Variants in LAMA4 observed in about 807,000 individuals in gnomAD.
LAMA4 encodes the protein laminin subunit alpha 4, also known as laminin subunit alpha-4.
Under a neutral mutation model 207.1 loss-of-function variants are expected in LAMA4, and 127 were observed. The observed-to-expected ratio is 0.61, with a 90% CI of 0.53 to 0.71. The LOEUF (loss-of-function observed/expected upper bound fraction) is 0.71. Ranked by LOEUF, LAMA4 falls within the 30% of genes least tolerant of loss-of-function variation. The pLI is 0.00. For synonymous variants in LAMA4, 761 were observed against 816.0 expected, an observed-to-expected ratio of 0.93 and a Z score of 1.15; for missense variants, 2,093 against 2,246.5, an observed-to-expected ratio of 0.93 and a Z score of 1.38.
chr6:112,134,251 G>C (rs1779204624), intron 26 of LAMA4, among the ~76,000 whole-genome samples: 1 of 152,178 alleles, frequency 6.6e-6, no homozygotes, highest in South Asian at 2.1e-4. Flanking sequence ...TACAATAATT[G>C]AAGAAATCTG....
intron 33 of LAMA4, 80 bp from the exon 34 acceptor site, chr6:112,119,391 C>G: frequency 2.7e-6 from 4 of 1,465,872 alleles, no homozygotes; most frequent in Non-Finnish European, 3.8e-6. Flanking sequence ...CTTCTTCCAA[C>G]TTTGCTATTG....
intron 2 of LAMA4, among the ~76,000 whole-genome samples, chr6:112,231,930 A>G (rs1007301050): frequency 4.6e-5 from 7 of 152,208 alleles, no homozygotes; most frequent in Non-Finnish European, 8.8e-5. Context: ...CCACTCTGTC[A>G]TGTGTTTTAT....
At chr6:112,198,682 C>T (rs1783559597) in intron 5 of LAMA4, among the ~76,000 whole-genome samples, 1 of 152,118 alleles carries the variant, frequency 6.6e-6, no homozygotes, top group Non-Finnish European at 1.5e-5. Flanking sequence ...ATCAGTGGCA[C>T]TATTTAGCTC....
Position 112,140,767 on chromosome 6 carries a change from T to C in LAMA4, c.2969A>G (p.Asn990Ser). Residue 990 changes from asparagine to serine, a missense_variant, in exon 22 of 39, where the codon AAC (asparagine) becomes AGC (serine). Asn to Ser is a conservative substitution (Grantham distance 46). This residue lies in a region of LAMA4 where 1,704 missense variants were observed against 1,788.4 expected (regional missense o/e 0.95). Transcript: ENST00000230538. ...TATAGCTGTATGGCTGACCTTGAAG[T>C]TGGAAGGCACTCCACCAACATAAAA... ...TVFYVGGVPS[N>S]FKLPTSLNLP... 4 of 1,613,992 alleles carry C rather than the reference T, an allele frequency of 2.5e-6. No individual in the cohort carries two copies. Among genetic ancestry groups the C allele is most frequent in the Non-Finnish European group, 3.4e-6 (4 of 1,179,936 alleles).
chr6:112,157,805 CA>C (rs782433656), intron 14 of LAMA4: 1 of 152,144 alleles, frequency 6.6e-6, no homozygotes, highest in African/African-American at 2.4e-5. Flanking sequence ...TTGCCTTCAT[CA>C]AAAGCTCATG....
chr6:112,215,215 A>G (rs1448246479), intron 3 of LAMA4, among the ~76,000 whole-genome samples: 8 of 152,228 alleles, frequency 5.3e-5, no homozygotes, highest in African/African-American at 1.9e-4. Flanking sequence ...CCTGGTTGTA[A>G]TGCTTATTTA....
chr6:112,209,009 A>T (rs782740360), intron 3 of LAMA4, among the ~76,000 whole-genome samples: 1 of 152,188 alleles, frequency 6.6e-6, no homozygotes, highest in Non-Finnish European at 1.5e-5. Flanking sequence ...GGAAAAATGA[A>T]GGAAAAGGGA....
intron 4 of LAMA4, among the ~76,000 whole-genome samples, chr6:112,205,489 C>G (rs1222443920): frequency 6.6e-6 from 1 of 152,134 alleles, no homozygotes; most frequent in Admixed American, 6.5e-5. Flanking sequence ...AGTAACTTTT[C>G]TGAGATCACA....
At chr6:112,166,961 A>G (rs569655886) in intron 12 of LAMA4, among the ~76,000 whole-genome samples, 54 of 152,226 alleles carry the variant, frequency 3.5e-4, no homozygotes, top group Non-Finnish European at 6.2e-4. Context: ...AAGCTTGGGT[A>G]TATAGTAATC....
intron 9 of LAMA4, among the ~76,000 whole-genome samples, chr6:112,184,611 C>A (rs1782575789): frequency 1.3e-5 from 2 of 151,984 alleles, no homozygotes; most frequent in African/African-American, 4.8e-5. Context: ...CTTGTCAAAT[C>A]TATCTTTTTA....
intron 14 of LAMA4, among the ~76,000 whole-genome samples, chr6:112,156,078 C>G (rs1780694606): frequency 6.6e-6 from 1 of 152,184 alleles, no homozygotes; most frequent in Non-Finnish European, 1.5e-5. Flanking sequence ...TATTTCCTTT[C>G]TGTAGAGGAA....
intron 15 of LAMA4, chr6:112,155,253 A>C: frequency 1.8e-6 from 1 of 563,346 alleles, no homozygotes; most frequent in Non-Finnish European, 3.1e-6. Context: ...AAAAAAATAT[A>C]AATGAATGCA....
At chr6:112,114,922 C>A (rs73541486) in intron 36 of LAMA4, among the ~76,000 whole-genome samples, 166 bp from the exon 37 acceptor site, 1 of 152,086 alleles carries the variant, frequency 6.6e-6, no homozygotes, top group South Asian at 2.1e-4. Flanking sequence ...GAAATAGGTT[C>A]AACTGGGGGT....
At chr6:112,178,672 T>C (rs7757339) in intron 9 of LAMA4, 78,849 of 172,626 alleles carry the variant, frequency 0.46, 18,646 homozygotes, top group Middle Eastern at 0.57. Flanking sequence ...GGACATACAA[T>C]GTTTGGTTTT....
At chr6:112,147,138 C>A (rs1780076332) in intron 18 of LAMA4, among the ~76,000 whole-genome samples, 1 of 152,088 alleles carries the variant, frequency 6.6e-6, no homozygotes, top group Admixed American at 6.6e-5. Flanking sequence ...ATTGGAATCA[C>A]TTGATAAGAC....
At chr6:112,156,600 A>G (rs1270803672) in intron 14 of LAMA4, among the ~76,000 whole-genome samples, 6 of 152,146 alleles carry the variant, frequency 3.9e-5, no homozygotes, top group African/African-American at 1.2e-4. Flanking sequence ...TCAGTCTTAA[A>G]TCCACCAATT....
At chr6:112,253,393 T>C (rs1190520513) in intron 2 of LAMA4, 8 of 273,434 alleles carry the variant, frequency 2.9e-5, no homozygotes, top group Non-Finnish European at 5.0e-5. Flanking sequence ...AAACATCTTG[T>C]TTCTGGAATA....
At chr6:112,200,140 T>C (rs1554351735) in intron 5 of LAMA4, 1 of 533,304 alleles carries the variant, frequency 1.9e-6, no homozygotes, top group Non-Finnish European at 3.8e-6. Flanking sequence ...TACCGAGTCA[T>C]TCAGTGGAAA....
intron 2 of LAMA4, chr6:112,236,438 A>G (rs1785926968): frequency 6.6e-6 from 1 of 152,250 alleles, no homozygotes; most frequent in Non-Finnish European, 1.5e-5. Context: ...TTTGTAAATC[A>G]TGAAAGCTTA....
Sources: gnomAD v4.1 joint callset for allele counts (sites outside exome capture counted in the v4.1 genomes callset) on GRCh38, gnomAD v4.1.1 for gene constraint, gnomAD v4.1.1 regional missense constraint, MANE v1.5 for transcripts, NCBI Gene and HGNC (gene_info 2026-07-23, HGNC 2026-07-21) for gene names.